Variants in RNF180 observed in about 807,000 individuals in gnomAD.
RNF180 encodes the protein E3 ubiquitin-protein ligase RNF180.
A neutral mutation model predicts 59.2 loss-of-function variants in RNF180; 38 were observed. The ratio of observed to expected loss-of-function variants is 0.64; its 90% CI spans 0.50 to 0.84. The LOEUF (loss-of-function observed/expected upper bound fraction) is 0.84. RNF180 is among the 40% of genes least tolerant of loss of function. The probability of loss-of-function intolerance (pLI) is 0.00; values close to 1 mark genes in which losing one functional copy is unlikely to be tolerated. For synonymous variants in RNF180, 262 were observed against 240.3 expected, an observed-to-expected ratio of 1.09 and a Z score of -0.84; for missense variants, 705 against 700.9, an observed-to-expected ratio of 1.01 and a Z score of -0.07.
chr5:64,365,009 A>C (rs1435804757), intron 7 of RNF180, among the ~76,000 whole-genome samples: 1 of 151,270 alleles, frequency 6.6e-6, no homozygotes, highest in African/African-American at 2.4e-5. Flanking sequence ...TCAAAAAAAA[A>C]AACAGCTTTT....
chr5:64,324,363 C>T (rs1744522853), intron 5 of RNF180, among the ~76,000 whole-genome samples: 1 of 152,170 alleles, frequency 6.6e-6, no homozygotes, highest in Non-Finnish European at 1.5e-5. Context: ...GTGCACCTAA[C>T]ATGCACATCT....
intron 5 of RNF180, among the ~76,000 whole-genome samples, chr5:64,262,699 G>T (rs1744414145): frequency 6.6e-6 from 1 of 152,146 alleles, no homozygotes; most frequent in Non-Finnish European, 1.5e-5. Context: ...TTTTCCCTGA[G>T]TTGCAGAGGA....
chr5:64,200,306 T>C lies in RNF180; in HGVS notation c.1-502T>C, dbSNP rs769476527. ...AAAATAAAATAAAAAATAAAAAATA[T>C]TAGCCAAGTGTGGTGGTGCACTCCT... is the stretch of plus-strand genomic sequence containing the variant. On this transcript the variant is annotated intron_variant, in intron 1 of 7. Transcript: ENST00000389100. Among the ~76,000 whole-genome samples, 90 of 152,208 alleles carry C rather than the reference T, an allele frequency of 5.9e-4. No individual in the cohort carries two copies. In the Middle Eastern group the frequency reaches 0.01, roughly 17 times the overall value.
At chr5:64,282,370 T>TTG (rs1333316887) in intron 5 of RNF180, among the ~76,000 whole-genome samples, 1 of 152,186 alleles carries the variant, frequency 6.6e-6, no homozygotes, top group Non-Finnish European at 1.5e-5. Context: ...TTATTTGTAT[T>TTG]TGTGTGGGGT....
intron 5 of RNF180, among the ~76,000 whole-genome samples, chr5:64,273,193 T>C (rs925650631): frequency 6.6e-6 from 1 of 151,928 alleles, no homozygotes; most frequent in African/African-American, 2.4e-5. Context: ...GCCAAGGGAA[T>C]GTCAGGAAGT....
intron 6 of RNF180, among the ~76,000 whole-genome samples, chr5:64,326,287 T>C (rs972139150): frequency 3.3e-5 from 5 of 152,120 alleles, no homozygotes; most frequent in Admixed American, 1.3e-4. Context: ...CAATTATGAG[T>C]ACCAAATATT....
intron 5 of RNF180, among the ~76,000 whole-genome samples, chr5:64,249,042 G>A (rs572843790): frequency 6.6e-6 from 1 of 152,166 alleles, no homozygotes; most frequent in African/African-American, 2.4e-5. Context: ...CTCATAAGTG[G>A]GAGTTGAACA....
intron 5 of RNF180, among the ~76,000 whole-genome samples, chr5:64,303,220 C>T (rs1580212347): frequency 6.6e-6 from 1 of 151,474 alleles, no homozygotes; most frequent in African/African-American, 2.4e-5. Flanking sequence ...ACCAGCCATT[C>T]CCCCATCTCT....
chr5:64,316,347 A>G (rs1372930931), intron 5 of RNF180, among the ~76,000 whole-genome samples: 1 of 152,190 alleles, frequency 6.6e-6, no homozygotes, highest in Admixed American at 6.5e-5. Flanking sequence ...CAAATACCCT[A>G]TCATTTTATT....
At chr5:64,224,191 G>T (rs553044147) in intron 5 of RNF180, among the ~76,000 whole-genome samples, 1 of 152,012 alleles carries the variant, frequency 6.6e-6, no homozygotes, top group South Asian at 2.1e-4. Flanking sequence ...AAGAGGTTTA[G>T]ACTTGAGTTG....
At chr5:64,265,690 G>A (rs1744623711) in intron 5 of RNF180, among the ~76,000 whole-genome samples, 1 of 152,110 alleles carries the variant, frequency 6.6e-6, no homozygotes, top group Admixed American at 6.6e-5. Context: ...TTTTTGCTTA[G>A]GATTGTCTTG....
chr5:64,250,797 A>C (rs1002161409), intron 5 of RNF180, among the ~76,000 whole-genome samples: 1 of 152,176 alleles, frequency 6.6e-6, no homozygotes, highest in South Asian at 2.1e-4. Flanking sequence ...ACTAATACCA[A>C]ATCTTCTCAA....
At chr5:64,326,014 G>A (rs1003915627) in intron 6 of RNF180, among the ~76,000 whole-genome samples, 1 of 152,016 alleles carries the variant, frequency 6.6e-6, no homozygotes, top group Non-Finnish European at 1.5e-5. Flanking sequence ...AATGACTAAG[G>A]GTAGAATGAT....
chr5:64,204,350 G>C, intron 2 of RNF180, among the ~76,000 whole-genome samples: 1 of 152,148 alleles, frequency 6.6e-6, no homozygotes, highest in East Asian at 1.9e-4. Context: ...TGGAGTTCCA[G>C]CATCATAGGG....
chr5:64,169,992 C>T (rs1749854129), intron 1 of RNF180, among the ~76,000 whole-genome samples: 1 of 152,218 alleles, frequency 6.6e-6, no homozygotes, highest in Admixed American at 6.5e-5. Context: ...AAGGAGTGAG[C>T]CAGTATTCCA....
At chr5:64,337,872 A>G (rs1745197674) in intron 7 of RNF180, among the ~76,000 whole-genome samples, 1 of 152,136 alleles carries the variant, frequency 6.6e-6, no homozygotes, top group South Asian at 2.1e-4. Flanking sequence ...TCCATGGTGT[A>G]TATGTGCCAC....
chr5:64,314,122 T>C (rs1289384176), intron 5 of RNF180, among the ~76,000 whole-genome samples: 1 of 152,120 alleles, frequency 6.6e-6, no homozygotes, highest in African/African-American at 2.4e-5. Context: ...TTTAACAAAG[T>C]TTTTGTACAT....
intron 7 of RNF180, among the ~76,000 whole-genome samples, chr5:64,360,837 G>A (rs1271676084): frequency 1.3e-5 from 2 of 151,572 alleles, no homozygotes; most frequent in Non-Finnish European, 3.0e-5. Flanking sequence ...GGATACCTGA[G>A]CCTCATTTCC....
chr5:64,201,116 T>C (rs779121921), intron 2 of RNF180, among the ~76,000 whole-genome samples, 174 bp downstream of exon 2: 22 of 152,222 alleles, frequency 1.4e-4, no homozygotes, highest in Admixed American at 1.3e-4. Context: ...TCTAAAATGG[T>C]ATTCAAAAAG....
Sources: allele counts gnomAD v4.1 joint callset (sites outside exome capture counted in the v4.1 genomes callset), GRCh38; gene constraint gnomAD v4.1.1; transcripts MANE v1.5; gene names NCBI Gene and HGNC (gene_info 2026-07-23, HGNC 2026-07-21).